The following NKAIN2 variants were observed in gnomAD, a reference collection of about 807,000 sequenced individuals.
NKAIN2 encodes the protein sodium/potassium-transporting ATPase subunit beta-1-interacting protein 2.
NKAIN2 carries 14 observed loss-of-function variants against 32.6 expected under a neutral mutation model. The observed-to-expected ratio is 0.43, with a 90% CI of 0.28 to 0.67. The LOEUF (loss-of-function observed/expected upper bound fraction) is 0.67, where lower values mean the gene tolerates loss of function less well. Among genes scored for constraint, NKAIN2 ranks in the 30% least tolerant of loss-of-function variants. The probability of loss-of-function intolerance (pLI) is 0.17; values close to 1 mark genes in which losing one functional copy is unlikely to be tolerated. For missense variants in NKAIN2, 198 were observed against 258.3 expected, an observed-to-expected ratio of 0.77 and a Z score of 1.60; for synonymous variants, 80 against 87.2, an observed-to-expected ratio of 0.92 and a Z score of 0.46.
At chr6:123,913,780 T>G (rs1040755738) in intron 1 of NKAIN2, among the ~76,000 whole-genome samples, 1 of 152,140 alleles carries the variant, frequency 6.6e-6, no homozygotes, top group Non-Finnish European at 1.5e-5. Flanking sequence ...ACATTTTGTT[T>G]TTTTTACAAG....
At chr6:123,876,159 TGCTATAGTCTCA>T (rs1361547093) in intron 1 of NKAIN2, among the ~76,000 whole-genome samples, 4 of 152,188 alleles carry the variant, frequency 2.6e-5, no homozygotes, top group African/African-American at 9.6e-5. Flanking sequence ...ACTGGTAATT[TGCTATAGTCTCA>T]GAAGTCTGTC....
intron 3 of NKAIN2, among the ~76,000 whole-genome samples, chr6:124,585,515 T>C (rs1324432162): frequency 6.6e-6 from 1 of 152,218 alleles, no homozygotes; most frequent in Non-Finnish European, 1.5e-5. Context: ...GTGATTATTA[T>C]GCATTGTCTG....
intron 1 of NKAIN2, among the ~76,000 whole-genome samples, chr6:124,129,766 C>T (rs1459321461): frequency 7.9e-5 from 12 of 151,950 alleles, no homozygotes; most frequent in East Asian, 3.9e-4. Flanking sequence ...TACAGGTGCA[C>T]GCCACCATGC....
chr6:124,402,919 A>T (rs1327205534), intron 3 of NKAIN2, among the ~76,000 whole-genome samples: 1 of 152,150 alleles, frequency 6.6e-6, no homozygotes, highest in Non-Finnish European at 1.5e-5. Flanking sequence ...ATTTACCTAT[A>T]TAACAAACCT....
At chr6:123,945,121 C>G (rs1031349026) in intron 1 of NKAIN2, among the ~76,000 whole-genome samples, 2 of 152,038 alleles carry the variant, frequency 1.3e-5, no homozygotes, top group African/African-American at 4.8e-5. Flanking sequence ...ACATTGAACT[C>G]TAATATTTTC....
intron 3 of NKAIN2, among the ~76,000 whole-genome samples, chr6:124,385,720 A>G (rs1002952058): frequency 3.9e-5 from 6 of 152,064 alleles, no homozygotes; most frequent in African/African-American, 4.8e-5. Context: ...TTTATGTTCT[A>G]TAGGTGAACA....
chr6:124,485,675 T>C (rs1236706838), intron 3 of NKAIN2, among the ~76,000 whole-genome samples: 1 of 152,166 alleles, frequency 6.6e-6, no homozygotes, highest in Non-Finnish European at 1.5e-5. Context: ...GATGACCTTC[T>C]GACCCTATGA....
At chr6:124,814,994 C>T (rs981407164) in intron 5 of NKAIN2, among the ~76,000 whole-genome samples, 2 of 151,652 alleles carry the variant, frequency 1.3e-5, no homozygotes, top group Non-Finnish European at 2.9e-5. Flanking sequence ...TCAGTGGAGA[C>T]CTTACTGTTT....
intron 1 of NKAIN2, among the ~76,000 whole-genome samples, chr6:123,902,742 C>T (rs1398621660): frequency 6.6e-6 from 1 of 152,142 alleles, no homozygotes; most frequent in Non-Finnish European, 1.5e-5. Flanking sequence ...ATGCATTCTT[C>T]AGTGGTATTC....
chr6:124,190,349 T>C (rs1789954516), intron 1 of NKAIN2, among the ~76,000 whole-genome samples: 1 of 152,220 alleles, frequency 6.6e-6, no homozygotes. Flanking sequence ...TTTTAACCAT[T>C]CAAATGAAAA....
At chr6:124,630,623 A>T (rs1035558979) in intron 3 of NKAIN2, among the ~76,000 whole-genome samples, 6 of 152,202 alleles carry the variant, frequency 3.9e-5, no homozygotes, top group African/African-American at 1.4e-4. Flanking sequence ...TTAGACTAAA[A>T]AAAAGTGATT....
chr6:124,799,600 A>G (rs1351348156), intron 5 of NKAIN2, among the ~76,000 whole-genome samples: 4 of 152,174 alleles, frequency 2.6e-5, no homozygotes, highest in Non-Finnish European at 5.9e-5. Flanking sequence ...TTTCTACAAC[A>G]CAATATAGAG....
intron 4 of NKAIN2, among the ~76,000 whole-genome samples, chr6:124,766,928 CTT>C (rs887529305): frequency 3.9e-5 from 6 of 152,134 alleles, no homozygotes; most frequent in South Asian, 2.1e-4. Context: ...GAGTTTTGCT[CTT>C]GTTTCCCAGG....
chr6:124,108,275 T>C (rs1785211281), intron 1 of NKAIN2, among the ~76,000 whole-genome samples: 1 of 152,126 alleles, frequency 6.6e-6, no homozygotes, highest in Admixed American at 6.5e-5. Context: ...ATTAGTGATA[T>C]TGAGCATCTT....
In NKAIN2 at chr6:124,110,629, C is replaced by A. The variant is rs186921425; in HGVS notation, c.55-172376C>A. 2.8e-3 allele frequency among the ~76,000 whole-genome samples: 431 copies of A among 152,144 alleles called. 5 individuals are homozygous for A. Among genetic ancestry groups the A allele is most frequent in the African/African-American group, 0.01 (416 of 41,532 alleles). On this transcript the variant is annotated intron_variant, in intron 1 of 6. Coordinates refer to ENST00000368417, the MANE Select transcript of NKAIN2 (RefSeq NM_001040214.3). The stretch of plus-strand genomic sequence containing the variant: ...TACTCAACATTTAGCTCCCACGTAT[C>A]AGTAAGAACATGTAATTTTTGGTTT...
intron 3 of NKAIN2, among the ~76,000 whole-genome samples, chr6:124,461,786 T>A (rs1776541266): frequency 6.6e-6 from 1 of 151,878 alleles, no homozygotes; most frequent in South Asian, 2.1e-4. Context: ...AACTGCCACA[T>A]GGCTTCTAAG....
In NKAIN2 at chr6:124,794,887, G is replaced by A. The variant is rs971286708; in HGVS notation, c.535+3488G>A. ...ACTTCCGATCCATAGAGTAAAAAAG[G>A]TTTGACATTTCTGTATCATTTTGGT... is the stretch of plus-strand genomic sequence containing the variant. On this transcript the variant is annotated intron_variant, in intron 5 of 6. Coordinates refer to ENST00000368417, the MANE Select transcript of NKAIN2 (RefSeq NM_001040214.3). The A allele has an allele frequency of 9.5e-6, 9 of 951,644 alleles. No individual in the cohort carries two copies. The African/African-American group carries it at 1.6e-4, about 17-fold the overall frequency. The allele number at this position is 951,644 out of a possible 1,614,324, so 59.0% of individuals were successfully genotyped here.
rs1562355249 is a variant in NKAIN2 at position 124,737,171 on chromosome 6, C to T, written c.475-54168C>T. ...TAATATGGCTTGGCTGTGTAGCCAC[C>T]CAAATCTCATCTTGAATTGTAGTTC... On this transcript the variant is annotated intron_variant, in intron 4 of 6. Coordinates refer to ENST00000368417, the MANE Select transcript of NKAIN2 (RefSeq NM_001040214.3). Among the ~76,000 whole-genome samples the T allele has an allele frequency of 5.9e-5, 9 of 151,836 alleles. No individual in the cohort carries two copies. The South Asian group carries it at 1.9e-3, about 32-fold the overall frequency.
chr6:124,494,213 T>G (rs1777981485), intron 3 of NKAIN2, among the ~76,000 whole-genome samples: 1 of 152,124 alleles, frequency 6.6e-6, no homozygotes, highest in Non-Finnish European at 1.5e-5. Flanking sequence ...GTTGTTTTAT[T>G]GTCTGTGGAT....
Sources: allele counts gnomAD v4.1 joint callset (sites outside exome capture counted in the v4.1 genomes callset), GRCh38; gene constraint gnomAD v4.1.1; transcripts MANE v1.5; gene names NCBI Gene and HGNC (gene_info 2026-07-23, HGNC 2026-07-21).